The following ARMC8 variants were observed in gnomAD, a reference collection of about 807,000 sequenced individuals.
The protein encoded by ARMC8 is armadillo repeat containing 8, also known as armadillo repeat-containing protein 8.
Under a neutral mutation model 99.3 loss-of-function variants are expected in ARMC8, and 20 were observed. The observed-to-expected ratio is 0.20, with a 90% CI of 0.14 to 0.29. ARMC8 has a LOEUF of 0.29. Among genes scored for constraint, ARMC8 ranks in the 10% least tolerant of loss-of-function variants. The probability of loss-of-function intolerance (pLI) is 1.00; values close to 1 mark genes in which losing one functional copy is unlikely to be tolerated. For missense variants in ARMC8, 569 were observed against 809.5 expected (o/e 0.70, Z 3.60); for synonymous variants, 263 against 278.3 (o/e 0.95, Z 0.55).
intron 19 of ARMC8, among the ~76,000 whole-genome samples, chr3:138,287,179 A>T: frequency 6.6e-6 from 1 of 152,210 alleles, no homozygotes; most frequent in East Asian, 1.9e-4. Context: ...CACTGTTTAA[A>T]TCTTTCAGGG....
At chr3:138,229,171 T>TATATATATAC (rs1559957950) in intron 6 of ARMC8, 161 bp downstream of exon 6, 16 of 44,608 alleles carry the variant, frequency 3.6e-4, no homozygotes, top group African/African-American at 9.3e-4. Context: ...TATATATATA[T>TATATATATAC]ATATATATAT....
intron 16 of ARMC8, 117 bp from the exon 17 acceptor site, chr3:138,272,850 C>G: frequency 1.1e-6 from 1 of 917,718 alleles, no homozygotes; most frequent in South Asian, 2.7e-5. Context: ...CCAGCCTGGG[C>G]GACAGAGCAA....
Position 138,292,786 on chromosome 3 carries a change from T to C in ARMC8, c.1988+2147T>C, listed in dbSNP as rs183010815. Among the ~76,000 whole-genome samples the C allele has an allele frequency of 1.5e-3, 221 of 152,198 alleles. 2 individuals carry two copies. The highest frequency in any genetic ancestry group is 3.4e-3 in the Middle Eastern group (1 of 294). ...AAGCCATGGAGCTGGATGAAGTCTC[T>C]TAGAGCAAGTAAAAAGAGAGAAAGG... On this transcript the variant is annotated intron_variant, in intron 21 of 21. Transcript: ENST00000469044.
At position 138,223,717 on chromosome 3, in the gene ARMC8, A is replaced by G; in HGVS notation, c.419A>G (p.Glu140Gly). 1.2e-6 allele frequency: 2 copies of G among 1,613,980 alleles called. No homozygotes were observed. Among genetic ancestry groups the G allele is most frequent in the Non-Finnish European group, 1.7e-6 (2 of 1,179,864 alleles). ...ATCTTCACCAGTCCTGTCACTCCAGAGGAGCTACTGTATACAGTGAGTTTT... is the reference window on the plus strand; with the variant it reads ...ATCTTCACCAGTCCTGTCACTCCAGGGGAGCTACTGTATACAGTGAGTTTT... ...RTIFTSPVTP[E>G]ELLYTDATVI... The change falls in exon 5 of 22, where the codon GAG becomes GGG. Residue 140 changes from glutamate to glycine, a missense_variant. Glu to Gly is a moderately conservative substitution (Grantham distance 98, BLOSUM62 -2). Around this residue, in one of 2 missense-constraint regions of ARMC8, gnomAD observed 342 missense variants for 391.6 expected, o/e 0.87. Coordinates refer to ENST00000469044, the MANE Select transcript of ARMC8 (RefSeq NM_001363941.2).
Position 138,290,650 on chromosome 3 carries a change from A to G in ARMC8, c.1988+11A>G. On this transcript the variant is annotated intron_variant, in intron 21 of 21. Transcript: ENST00000469044. ...AAACCTTTGTGACAAGTGAGTATGA[A>G]TGTGAAAAGGCCTTGCTTTGGGCTG... 1 of 1,574,856 alleles carries G rather than the reference A, an allele frequency of 6.3e-7. No individual in the cohort carries two copies. The highest frequency in any genetic ancestry group is 8.7e-7 in the Non-Finnish European group (1 of 1,153,648).
intron 1 of ARMC8, among the ~76,000 whole-genome samples, chr3:138,192,204 C>A (rs1159441259): frequency 6.6e-6 from 1 of 150,870 alleles, no homozygotes; most frequent in African/African-American, 2.4e-5. Context: ...GTAGTAATAT[C>A]TCATCATGGT....
At chr3:138,225,215 C>T (rs1203749072) in intron 5 of ARMC8, among the ~76,000 whole-genome samples, 2 of 148,934 alleles carry the variant, frequency 1.3e-5, no homozygotes, top group Non-Finnish European at 1.5e-5. Context: ...AAGCAATTCT[C>T]CTGCCTCAGC....
intron 18 of ARMC8, among the ~76,000 whole-genome samples, chr3:138,282,830 C>G (rs2050067318): frequency 2.0e-5 from 3 of 152,134 alleles, no homozygotes. Context: ...TTGGCATGCT[C>G]ATGTCTGCCC....
chr3:138,287,026 G>GC (rs1276329797), intron 19 of ARMC8, among the ~76,000 whole-genome samples: 1 of 152,030 alleles, frequency 6.6e-6, no homozygotes, highest in East Asian at 1.9e-4. Context: ...CATCACCACT[G>GC]CCCCCACCCT....
At chr3:138,293,931 G>A (rs1047667458) in intron 21 of ARMC8, among the ~76,000 whole-genome samples, 2 of 152,070 alleles carry the variant, frequency 1.3e-5, no homozygotes, top group Non-Finnish European at 1.5e-5. Flanking sequence ...AACGTAAACC[G>A]TAAAATAATA....
At chr3:138,275,363 C>T (rs545196775) in intron 18 of ARMC8, among the ~76,000 whole-genome samples, 1 of 152,238 alleles carries the variant, frequency 6.6e-6, no homozygotes, top group East Asian at 1.9e-4. Context: ...CGAGACCATC[C>T]TGGCTAACAC....
chr3:138,241,632 T>TA (rs1198469436), intron 10 of ARMC8, 151 bp from the exon 11 acceptor site: 7 of 710,120 alleles, frequency 9.9e-6, no homozygotes, highest in African/African-American at 1.8e-5. Flanking sequence ...TTTTGCATTT[T>TA]AAAAAAATCT....
intron 12 of ARMC8, among the ~76,000 whole-genome samples, chr3:138,250,881 T>A (rs914762761): frequency 2.6e-5 from 4 of 152,188 alleles, no homozygotes; most frequent in Non-Finnish European, 4.4e-5. Context: ...GCATGGTGGC[T>A]CACGCCTGTA....
chr3:138,232,053 C>G (rs539919151), intron 6 of ARMC8, among the ~76,000 whole-genome samples: 5 of 144,920 alleles, frequency 3.5e-5, no homozygotes, highest in Non-Finnish European at 7.5e-5. Context: ...TCCCTGCAAC[C>G]TCCATCTCCT....
At chr3:138,219,019 A>G (rs758143928) in intron 2 of ARMC8, among the ~76,000 whole-genome samples, 2 of 152,204 alleles carry the variant, frequency 1.3e-5, no homozygotes, top group African/African-American at 2.4e-5. Context: ...TGTCCTGGCC[A>G]TAATGGAAAA....
chr3:138,212,798 CA>C (rs892001031), intron 2 of ARMC8, among the ~76,000 whole-genome samples: 6 of 152,014 alleles, frequency 3.9e-5, no homozygotes, highest in Admixed American at 1.3e-4. Context: ...TATAAACAAC[CA>C]AAGGTAGCCT....
chr3:138,235,798 C>CTTTTTTTTTTTTTTTTTT (rs71146120), intron 7 of ARMC8, among the ~76,000 whole-genome samples: 2 of 80,540 alleles, frequency 2.5e-5, no homozygotes, highest in Non-Finnish European at 4.6e-5. Flanking sequence ...TCCTTTTAGT[C>CTTTTTTTTTTTTTTTTTT]TTTTTTTTTT....
chr3:138,192,676 A>G (rs988637642), intron 1 of ARMC8, among the ~76,000 whole-genome samples: 1 of 151,100 alleles, frequency 6.6e-6, no homozygotes, highest in African/African-American at 2.4e-5. Context: ...TCAGCCTTCC[A>G]AGTAGCTGGG....
rs1281364879 is a variant in ARMC8 at position 138,267,165 on chromosome 3, A to G, written c.1310A>G (p.Asn437Ser). The G allele has an allele frequency of 6.4e-7, 1 of 1,563,076 alleles. No homozygotes were observed. The highest frequency in any genetic ancestry group is 1.9e-5 in the Admixed American group (1 of 52,450). Residue 437 changes from asparagine to serine, a missense_variant, in exon 15 of 22, where the codon AAT becomes AGT. Asn to Ser is a conservative substitution (Grantham distance 46). Coordinates refer to ENST00000469044, the MANE Select transcript of ARMC8 (RefSeq NM_001363941.2). The part of the protein sequence containing the change: ...VWKPLMKVLQ[N>S]APDEILVVAS... ...TTTTTAATTCCATAGGTTTTACAAA[A>G]TGCACCAGATGAAATCCTAGTGGTA...
Sources: allele counts gnomAD v4.1 joint callset (sites outside exome capture counted in the v4.1 genomes callset), GRCh38; gene constraint gnomAD v4.1.1; regional missense constraint gnomAD v4.1.1; transcripts MANE v1.5; gene names NCBI Gene and HGNC (gene_info 2026-07-23, HGNC 2026-07-21).